Variants in SGMS1 observed in about 807,000 individuals in gnomAD.
SGMS1 encodes the protein phosphatidylcholine:ceramide cholinephosphotransferase 1.
Under a neutral mutation model 46.2 loss-of-function variants are expected in SGMS1, and 13 were observed. The ratio of observed to expected loss-of-function variants is 0.28; its 90% CI spans 0.18 to 0.45. The LOEUF is 0.45. SGMS1 is among the 20% of genes least tolerant of loss of function. The pLI, the probability that SGMS1 is intolerant of heterozygous loss-of-function variation, is 1.00. For missense variants in SGMS1, 324 were observed against 519.9 expected (o/e 0.62, Z 3.66); for synonymous variants, 203 against 187.8 (o/e 1.08, Z -0.66).
intron 2 of SGMS1, among the ~76,000 whole-genome samples, chr10:50,564,468 C>T (rs954528770): frequency 6.6e-6 from 1 of 152,218 alleles, no homozygotes; most frequent in Non-Finnish European, 1.5e-5. Context: ...TCACACATCT[C>T]TAATGACCAT....
At chr10:50,444,510 T>C (rs1017844397) in intron 5 of SGMS1, among the ~76,000 whole-genome samples, 1 of 152,178 alleles carries the variant, frequency 6.6e-6, no homozygotes, top group Admixed American at 6.5e-5. Flanking sequence ...GGTGTAAGGA[T>C]AATTTTTTCA....
intron 2 of SGMS1, among the ~76,000 whole-genome samples, chr10:50,556,161 A>G (rs1171632641): frequency 6.6e-6 from 1 of 152,192 alleles, no homozygotes; most frequent in African/African-American, 2.4e-5. Context: ...TCGGTCACCA[A>G]TCTTACCTGT....
intron 3 of SGMS1, among the ~76,000 whole-genome samples, chr10:50,490,518 G>A (rs1837558542): frequency 6.6e-6 from 1 of 152,146 alleles, no homozygotes; most frequent in African/African-American, 2.4e-5. Context: ...GAAGAATCTC[G>A]ATTTCACATC....
At chr10:50,514,750 C>G (rs956669997) in intron 3 of SGMS1, among the ~76,000 whole-genome samples, 1 of 152,148 alleles carries the variant, frequency 6.6e-6, no homozygotes, top group African/African-American at 2.4e-5. Flanking sequence ...AGCATATAAA[C>G]AGATTAAGGT....
intron 2 of SGMS1, among the ~76,000 whole-genome samples, chr10:50,544,109 A>G (rs2133822604): frequency 6.6e-6 from 1 of 152,368 alleles, no homozygotes; most frequent in East Asian, 1.9e-4. Flanking sequence ...ACACATGCTG[A>G]CATAGCTTAT....
intron 2 of SGMS1, among the ~76,000 whole-genome samples, chr10:50,561,981 G>C (rs1838240522): frequency 1.3e-5 from 2 of 152,088 alleles, no homozygotes; most frequent in Non-Finnish European, 1.5e-5. Flanking sequence ...TCTTCATCTG[G>C]GTTCAGAACA....
At chr10:50,515,347 C>T (rs746772124) in intron 3 of SGMS1, among the ~76,000 whole-genome samples, 10 of 152,152 alleles carry the variant, frequency 6.6e-5, no homozygotes, top group Non-Finnish European at 1.3e-4. Flanking sequence ...TGTGTCTCTG[C>T]ATTGTTTTGA....
intron 6 of SGMS1, among the ~76,000 whole-genome samples, chr10:50,410,747 G>A (rs1441398111): frequency 6.6e-6 from 1 of 152,150 alleles, no homozygotes; most frequent in African/African-American, 2.4e-5. Context: ...CCCCACCATA[G>A]GGGAAGACCC....
chr10:50,574,098 T>C (rs778334693), intron 2 of SGMS1, among the ~76,000 whole-genome samples: 1 of 152,174 alleles, frequency 6.6e-6, no homozygotes, highest in Non-Finnish European at 1.5e-5. Flanking sequence ...GGGAAGCTTC[T>C]TGATATTAGA....
rs1056072568 is a variant in SGMS1 at position 50,468,132 on chromosome 10, C to G, written c.-497-1200G>C. On this transcript the variant is annotated intron_variant, in intron 3 of 10. Coordinates refer to ENST00000361781, the MANE Select transcript of SGMS1 (RefSeq NM_147156.4). Reference sequence around the variant, plus strand: ...AGATGAAATTACTAATGCATGATCTCGCTTAATCTTCCAATTCCTATGAAG... The same window carrying G: ...AGATGAAATTACTAATGCATGATCTGGCTTAATCTTCCAATTCCTATGAAG... Among the ~76,000 whole-genome samples, 4 of 152,314 alleles carry G rather than the reference C, an allele frequency of 2.6e-5. No homozygotes were observed. In the South Asian group the frequency reaches 8.3e-4, roughly 32 times the overall value.
At chr10:50,404,605 AAAAC>A (rs759446416) in intron 6 of SGMS1, among the ~76,000 whole-genome samples, 19 of 152,324 alleles carry the variant, frequency 1.2e-4, no homozygotes, top group East Asian at 9.6e-4. Context: ...CTGTCTCGAA[AAAAC>A]AAACAATCAG....
At chr10:50,624,570 G>A (rs1452796034), upstream of SGMS1, 2 of 984,610 alleles carry the variant, frequency 2.0e-6, no homozygotes, top group Non-Finnish European at 2.4e-6. Context: ...TGAAAACTCC[G>A]ACTGCGTCAG....
chr10:50,497,028 T>A (rs1039636027), intron 3 of SGMS1, among the ~76,000 whole-genome samples: 10 of 152,186 alleles, frequency 6.6e-5, no homozygotes, highest in Admixed American at 3.9e-4. Context: ...AAGGGGGATA[T>A]GGTAAAGTCA....
At chr10:50,487,481 G>A (rs1201186951) in intron 3 of SGMS1, among the ~76,000 whole-genome samples, 2 of 152,048 alleles carry the variant, frequency 1.3e-5, no homozygotes, top group East Asian at 3.9e-4. Flanking sequence ...GTGTACCATG[G>A]AACTTAAAAT....
chr10:50,387,698 T>C (rs1848701522), intron 6 of SGMS1, among the ~76,000 whole-genome samples: 1 of 151,964 alleles, frequency 6.6e-6, no homozygotes, highest in Non-Finnish European at 1.5e-5. Flanking sequence ...TAAAAGAAAA[T>C]CCTTAGCTAA....
At chr10:50,497,142 C>T (rs10490964) in intron 3 of SGMS1, among the ~76,000 whole-genome samples, 27,493 of 152,136 alleles carry the variant, frequency 0.18, 2,684 homozygotes, top group Admixed American at 0.23. Flanking sequence ...CAACGATTAA[C>T]GATGAGAACT....
chr10:50,341,954 G>A (rs1411685327), intron 7 of SGMS1, among the ~76,000 whole-genome samples: 1 of 152,084 alleles, frequency 6.6e-6, no homozygotes, highest in South Asian at 2.1e-4. Flanking sequence ...ATTCTGATTC[G>A]TAACTGTTAA....
intron 6 of SGMS1, among the ~76,000 whole-genome samples, chr10:50,363,860 T>A (rs543630771): frequency 2.6e-5 from 4 of 151,770 alleles, no homozygotes; most frequent in East Asian, 3.9e-4. Context: ...TGAAAAAAAA[T>A]CACCAGGTAT....
intron 6 of SGMS1, among the ~76,000 whole-genome samples, chr10:50,353,527 AC>A (rs1443968293): frequency 6.6e-6 from 1 of 152,302 alleles, no homozygotes; most frequent in Non-Finnish European, 1.5e-5. Flanking sequence ...GAAAACTGGC[AC>A]AAGACAGGGA....
Sources: gnomAD v4.1 joint callset for allele counts (sites outside exome capture counted in the v4.1 genomes callset) on GRCh38, gnomAD v4.1.1 for gene constraint, MANE v1.5 for transcripts, NCBI Gene and HGNC (gene_info 2026-07-23, HGNC 2026-07-21) for gene names.